The following LRP1B variants were observed in gnomAD, a reference collection of about 807,000 sequenced individuals.
The protein encoded by LRP1B is LDL receptor related protein 1B.
Under a neutral mutation model 556.6 loss-of-function variants are expected in LRP1B, and 217 were observed. The observed-to-expected ratio is 0.39, with a 90% CI of 0.35 to 0.44. The LOEUF is 0.44. Among genes scored for constraint, LRP1B ranks in the 20% least tolerant of loss-of-function variants. LRP1B has a pLI of 1.00. For synonymous variants in LRP1B, 2,047 were observed against 1,865.8 expected (o/e 1.10, Z -2.50); for missense variants, 5,053 against 5,620.8 (o/e 0.90, Z 3.23).
At chr2:140,984,009 G>T (rs546938766) in intron 17 of LRP1B, among the ~76,000 whole-genome samples, 1 of 151,764 alleles carries the variant, frequency 6.6e-6, no homozygotes, top group South Asian at 2.1e-4. Context: ...AATGAATAAA[G>T]TTCTTAGATA....
chr2:140,870,679 A>G (rs1426566065), intron 25 of LRP1B, among the ~76,000 whole-genome samples: 5 of 152,168 alleles, frequency 3.3e-5, no homozygotes, highest in Admixed American at 3.3e-4. Flanking sequence ...TGGTAAAATT[A>G]TGAAATGGTA....
intron 3 of LRP1B, among the ~76,000 whole-genome samples, chr2:141,469,267 T>C (rs1044274681): frequency 2.6e-5 from 4 of 152,246 alleles, no homozygotes; most frequent in African/African-American, 9.6e-5. Context: ...TTTGATCTGA[T>C]TCTGAAAAGA....
At chr2:141,967,302 C>T (rs1397336512) in intron 1 of LRP1B, among the ~76,000 whole-genome samples, 1 of 151,754 alleles carries the variant, frequency 6.6e-6, no homozygotes. Flanking sequence ...ATCACAAGTG[C>T]TTTATTAAAA....
intron 86 of LRP1B, among the ~76,000 whole-genome samples, chr2:140,267,478 T>C (rs75344996): frequency 0.02 from 3,105 of 152,076 alleles, 40 homozygotes; most frequent in African/African-American, 0.029. Flanking sequence ...AGATTATTTA[T>C]AATACCTAAC....
chr2:140,324,489 GCAAT>G (rs996528621), intron 80 of LRP1B, among the ~76,000 whole-genome samples: 7 of 152,070 alleles, frequency 4.6e-5, no homozygotes, highest in East Asian at 1.9e-4. Context: ...GGTTTATTAA[GCAAT>G]CAATCAATCA....
chr2:140,942,955 G>A (rs887514848), intron 20 of LRP1B, among the ~76,000 whole-genome samples: 13 of 152,064 alleles, frequency 8.5e-5, no homozygotes, highest in Admixed American at 5.2e-4. Flanking sequence ...AATGTAAATA[G>A]TCTAAATGCT....
intron 67 of LRP1B, 141 bp downstream of exon 67, chr2:140,385,752 C>A: frequency 1.5e-6 from 1 of 651,326 alleles, no homozygotes; most frequent in Non-Finnish European, 2.8e-6. Context: ...TCTGAATATT[C>A]TTGTCCAAAT....
chr2:140,372,937 A>G lies in LRP1B; in HGVS notation c.10768+71T>C. On this transcript the variant is annotated intron_variant, in intron 69 of 90. Transcript: ENST00000389484. ...ACATATTTGCCACTGTTTTCTGCAT[A>G]TTGCTGCTTAAATTTAAATTCTATC... 9.1e-6 allele frequency: 14 copies of G among 1,539,242 alleles called. No individual in the cohort carries two copies. The South Asian group carries it at 1.6e-4, about 17-fold the overall frequency.
chr2:140,309,518 T>C (rs945146639), intron 83 of LRP1B, among the ~76,000 whole-genome samples: 1 of 151,774 alleles, frequency 6.6e-6, no homozygotes, highest in African/African-American at 2.4e-5. Flanking sequence ...CTGTGACTCA[T>C]GAAGCCAGCA....
At position 141,849,265 on chromosome 2, in the gene LRP1B, C is replaced by G. The variant is rs562269587; in HGVS notation, c.83-38864G>C. Among the ~76,000 whole-genome samples the G allele has an allele frequency of 4.0e-5, 6 of 151,716 alleles. No homozygotes were observed. In the South Asian group the frequency reaches 1.2e-3, roughly 31 times the overall value. On this transcript the variant is annotated intron_variant, in intron 1 of 90. Coordinates refer to ENST00000389484, the MANE Select transcript of LRP1B (RefSeq NM_018557.3). ...TCTTGGTGTATAATCACATTGTCTA[C>G]AAATAATGAAAATTTTGTCTCTTCA...
At chr2:141,503,629 C>CCTCT (rs1350778303) in intron 2 of LRP1B, among the ~76,000 whole-genome samples, 7 of 151,960 alleles carry the variant, frequency 4.6e-5, no homozygotes, top group Non-Finnish European at 1.0e-4. Context: ...AAAAACCCTC[C>CCTCT]CTCTCTCCCA....
intron 60 of LRP1B, among the ~76,000 whole-genome samples, chr2:140,470,370 G>A (rs964249918): frequency 3.3e-5 from 5 of 152,038 alleles, no homozygotes; most frequent in African/African-American, 4.8e-5. Flanking sequence ...TGGGCCGGGC[G>A]TGGTGGCTCA....
intron 66 of LRP1B, among the ~76,000 whole-genome samples, chr2:140,420,158 C>A (rs1386502876): frequency 6.7e-6 from 1 of 148,860 alleles, no homozygotes. Context: ...AAATTTATAG[C>A]AGAAAAAAAA....
chr2:141,929,912 C>CAAAAAAAAAAAAAAAAAAAAAAA (rs70994467), intron 1 of LRP1B, among the ~76,000 whole-genome samples: 1 of 104,134 alleles, frequency 9.6e-6, no homozygotes, highest in Admixed American at 1.2e-4. Context: ...CGGATGGAAA[C>CAAAAAAAAAAAAAAAAAAAAAAA]AAAAAAAAAA....
rs373478920 is a variant in LRP1B, at chr2:141,750,161, C to T, written c.205+60118G>A. ...TAGTGTTAATTACCAATTTCCAGAG[C>T]GAAGCACCATCTCCTTTCATGGAAT... On this transcript the variant is annotated intron_variant, in intron 2 of 90. Transcript: ENST00000389484. Among the ~76,000 whole-genome samples the T allele has an allele frequency of 1.2e-4, 19 of 152,152 alleles. No individual in the cohort carries two copies. The South Asian group carries it at 3.5e-3, about 28-fold the overall frequency.
intron 1 of LRP1B, among the ~76,000 whole-genome samples, chr2:141,867,817 T>G (rs4662269): frequency 0.3 from 46,300 of 152,014 alleles, 8,170 homozygotes; most frequent in Middle Eastern, 0.45. Context: ...ACTTATATCC[T>G]ATTGTATGTA....
intron 3 of LRP1B, among the ~76,000 whole-genome samples, chr2:141,307,889 G>A (rs1162399528): frequency 2.0e-5 from 3 of 152,174 alleles, no homozygotes; most frequent in East Asian, 3.9e-4. Flanking sequence ...GGTGTGGCAC[G>A]GGTGATGGCA....
intron 1 of LRP1B, among the ~76,000 whole-genome samples, chr2:141,917,990 T>TA (rs1181509020): frequency 1.3e-5 from 2 of 152,116 alleles, no homozygotes; most frequent in African/African-American, 4.8e-5. Context: ...ATATAAATCA[T>TA]AAACATTATA....
chr2:141,654,769 A>G (rs976475088), intron 2 of LRP1B, among the ~76,000 whole-genome samples: 2 of 152,100 alleles, frequency 1.3e-5, no homozygotes, highest in Non-Finnish European at 2.9e-5. Flanking sequence ...CACATGTACA[A>G]TATCTTTTAC....
Sources: gnomAD v4.1 joint callset for allele counts (sites outside exome capture counted in the v4.1 genomes callset) on GRCh38, gnomAD v4.1.1 for gene constraint, MANE v1.5 for transcripts, NCBI Gene and HGNC (gene_info 2026-07-23, HGNC 2026-07-21) for gene names.